BRAF: variants seen among roughly 807,000 people sequenced by gnomAD.
The protein encoded by BRAF is B-Raf proto-oncogene, serine/threonine kinase.
BRAF carries 16 observed loss-of-function variants against 104.6 expected under a neutral mutation model. The ratio of observed to expected loss-of-function variants is 0.15; its 90% CI spans 0.10 to 0.23. BRAF has a LOEUF of 0.23. Ranked by LOEUF, BRAF falls within the 10% of genes least tolerant of loss-of-function variation. The pLI, the probability that BRAF is intolerant of heterozygous loss-of-function variation, is 1.00. For missense variants in BRAF, 541 were observed against 937.3 expected, an observed-to-expected ratio of 0.58 and a Z score of 5.52; for synonymous variants, 310 against 341.6, an observed-to-expected ratio of 0.91 and a Z score of 1.02.
chr7:140,853,135 A>C (rs1000523718), intron 1 of BRAF, among the ~76,000 whole-genome samples: 1 of 151,848 alleles, frequency 6.6e-6, no homozygotes, highest in African/African-American at 2.4e-5. Context: ...CAGGCCATGC[A>C]TGGTGGCTCA....
chr7:140,815,656 G>A (rs1433322822), intron 3 of BRAF, among the ~76,000 whole-genome samples: 1 of 146,904 alleles, frequency 6.8e-6, no homozygotes, highest in African/African-American at 2.5e-5. Context: ...GGCTGGTCTC[G>A]AACTCCTTAC....
At chr7:140,740,823 T>C (rs1313328157) in intron 17 of BRAF, 1 of 152,254 alleles carries the variant, frequency 6.6e-6, no homozygotes, top group Non-Finnish European at 1.5e-5. Context: ...TGCCAGGCAT[T>C]AGTAAAGCTT....
intron 7 of BRAF, chr7:140,799,911 G>A: frequency 3.3e-6 from 1 of 302,460 alleles, no homozygotes. Flanking sequence ...ATGATCTGTT[G>A]CATGATTTTT....
intron 1 of BRAF, among the ~76,000 whole-genome samples, chr7:140,857,165 G>A (rs1809877052): frequency 1.3e-5 from 2 of 152,146 alleles, no homozygotes; most frequent in South Asian, 4.1e-4. Flanking sequence ...TTATAAGAGG[G>A]AAATAAAAGG....
At chr7:140,877,613 AGACT>A (rs1181304565) in intron 1 of BRAF, among the ~76,000 whole-genome samples, 2 of 152,152 alleles carry the variant, frequency 1.3e-5, no homozygotes, top group African/African-American at 4.8e-5. Context: ...ATCTCTAGCA[AGACT>A]GACAAAAAGG....
rs1454325200 is a variant in BRAF, at chr7:140,794,370, G to A, written c.1078C>T (p.Arg360Ter). The change falls in exon 8 of 20, where the codon CGA becomes TGA. Residue 360 changes from arginine (R) to a stop codon, truncating the protein, a stop_gained. Coordinates refer to ENST00000644969, the MANE Select transcript of BRAF (RefSeq NM_001374258.1). LOFTEE classifies it high-confidence loss of function. The stretch of plus-strand genomic sequence containing the variant: ...TTGGGAGCTGATGAGGATCGGTCTC[G>A]TTGCCCAAATTGATTTCGATGATCT... ...DEDHRNQFGQ[R>*]DRSSSAPNVH... 1 of 1,613,906 alleles carries A rather than the reference G, an allele frequency of 6.2e-7. No individual in the cohort carries two copies. The highest frequency in any genetic ancestry group is 8.5e-7 in the Non-Finnish European group (1 of 1,179,994).
chr7:140,846,748 G>C (rs1808590589), intron 2 of BRAF, among the ~76,000 whole-genome samples: 1 of 152,022 alleles, frequency 6.6e-6, no homozygotes, highest in East Asian at 1.9e-4. Context: ...GAAACCTGCA[G>C]AACGGTGGGT....
intron 17 of BRAF, among the ~76,000 whole-genome samples, chr7:140,746,594 G>C (rs1797365406): frequency 6.6e-6 from 1 of 152,094 alleles, no homozygotes; most frequent in Non-Finnish European, 1.5e-5. Context: ...ACTTTGGCAG[G>C]CTGAGGCGGG....
At chr7:140,883,793 GATT>G (rs1166869883) in intron 1 of BRAF, among the ~76,000 whole-genome samples, 2 of 152,170 alleles carry the variant, frequency 1.3e-5, no homozygotes, top group African/African-American at 4.8e-5. Context: ...CCATTTTATG[GATT>G]GTCTCTGTTC....
At chr7:140,805,942 T>C (rs928980684) in intron 5 of BRAF, among the ~76,000 whole-genome samples, 5 of 152,150 alleles carry the variant, frequency 3.3e-5, no homozygotes, top group African/African-American at 1.2e-4. Flanking sequence ...TCTAATCACA[T>C]TTCTCCCCAA....
intron 18 of BRAF, among the ~76,000 whole-genome samples, chr7:140,736,782 A>T (rs567263800): frequency 6.6e-6 from 1 of 150,964 alleles, no homozygotes; most frequent in South Asian, 2.2e-4. Flanking sequence ...CACGCCTGTA[A>T]TCCCAGCACT....
chr7:140,834,483 G>C, intron 3 of BRAF, 126 bp downstream of exon 3: 1 of 1,292,544 alleles, frequency 7.7e-7, no homozygotes, highest in Non-Finnish European at 1.1e-6. Flanking sequence ...TTTCATTCCT[G>C]TATGACATGG....
chr7:140,915,526 C>G (rs1817530830), intron 1 of BRAF, among the ~76,000 whole-genome samples: 1 of 151,456 alleles, frequency 6.6e-6, no homozygotes, highest in Non-Finnish European at 1.5e-5. Context: ...CCTCCGCCTC[C>G]CAGGTTCAAG....
chr7:140,809,489 CCT>C (rs1473884900), intron 3 of BRAF, among the ~76,000 whole-genome samples: 2 of 152,194 alleles, frequency 1.3e-5, no homozygotes, highest in East Asian at 1.9e-4. Context: ...GTTTGGTGCC[CCT>C]GTTTCCTCTG....
chr7:140,777,279 A>C (rs755785004), intron 13 of BRAF, among the ~76,000 whole-genome samples, 191 bp from the exon 13 acceptor site: 2 of 152,114 alleles, frequency 1.3e-5, no homozygotes, highest in Non-Finnish European at 2.9e-5. Context: ...TTATGCAGAG[A>C]TATCTTTTTA....
At chr7:140,812,155 C>T (rs1804339694) in intron 3 of BRAF, among the ~76,000 whole-genome samples, 1 of 130,882 alleles carries the variant, frequency 7.6e-6, no homozygotes, top group South Asian at 2.8e-4. Flanking sequence ...CATGTGCATG[C>T]ACACCTGTGT....
intron 3 of BRAF, chr7:140,834,283 G>A (rs1193022429): frequency 2.1e-6 from 1 of 481,530 alleles, no homozygotes; most frequent in Non-Finnish European, 3.7e-6. Flanking sequence ...TGAAGAATGA[G>A]TCTTACCTGA....
At chr7:140,808,480 A>C in intron 4 of BRAF, 1 of 344,216 alleles carries the variant, frequency 2.9e-6, no homozygotes, top group Non-Finnish European at 5.5e-6. Context: ...GAGGATTCAA[A>C]ATGTGAGGGT....
At chr7:140,900,143 T>G (rs1815435292) in intron 1 of BRAF, among the ~76,000 whole-genome samples, 1 of 152,252 alleles carries the variant, frequency 6.6e-6, no homozygotes, top group Non-Finnish European at 1.5e-5. Flanking sequence ...AACTGCTAAG[T>G]CTTCGGTAAT....
Sources: allele counts gnomAD v4.1 joint callset (sites outside exome capture counted in the v4.1 genomes callset), GRCh38; gene constraint gnomAD v4.1.1; transcripts MANE v1.5; gene names NCBI Gene and HGNC (gene_info 2026-07-23, HGNC 2026-07-21).